The following GLG1 variants were observed in gnomAD, a reference collection of about 807,000 sequenced individuals.
GLG1 encodes the protein golgi glycoprotein 1.
A neutral mutation model predicts 160.5 loss-of-function variants in GLG1; 38 were observed. The observed-to-expected ratio is 0.24, with a 90% CI of 0.18 to 0.31. The LOEUF (loss-of-function observed/expected upper bound fraction) is 0.31. Among genes scored for constraint, GLG1 ranks in the 10% least tolerant of loss-of-function variants. The pLI is 1.00. For missense variants in GLG1, 1,373 were observed against 1,505.2 expected, an observed-to-expected ratio of 0.91 and a Z score of 1.45; for synonymous variants, 644 against 543.4, an observed-to-expected ratio of 1.19 and a Z score of -2.57.
intron 14 of GLG1, 125 bp from the exon 15 acceptor site, chr16:74,471,411 T>C (rs11862660): frequency 4.6e-6 from 3 of 654,098 alleles, no homozygotes; most frequent in African/African-American, 3.6e-5. Context: ...AGACACACCA[T>C]AAATTGTAAT....
chr16:74,568,499 C>A (rs1450249530), intron 1 of GLG1, among the ~76,000 whole-genome samples: 4 of 150,808 alleles, frequency 2.7e-5, no homozygotes, highest in African/African-American at 4.9e-5. Flanking sequence ...CTCACTGGAA[C>A]CTCCGCCTCC....
At chr16:74,497,175 G>T (rs1228260545) in intron 4 of GLG1, among the ~76,000 whole-genome samples, 1 of 151,826 alleles carries the variant, frequency 6.6e-6, no homozygotes, top group African/African-American at 2.4e-5. Flanking sequence ...TGTAATCCCA[G>T]CTACTCAGGA....
intron 5 of GLG1, among the ~76,000 whole-genome samples, chr16:74,496,135 G>C (rs950447457): frequency 2.0e-5 from 3 of 152,084 alleles, no homozygotes; most frequent in Admixed American, 6.6e-5. Context: ...AGGCAAGATG[G>C]TGCTTGCCTA....
chr16:74,567,369 G>T (rs7185026), intron 1 of GLG1, among the ~76,000 whole-genome samples: 111,323 of 151,912 alleles, frequency 0.73, 41,248 homozygotes, highest in African/African-American at 0.84. Context: ...TAATGCCAGC[G>T]CTTTAGAATT....
In GLG1 at chr16:74,525,263, A is replaced by C. The variant is rs558769588; in HGVS notation, c.471+6858T>G. On this transcript the variant is annotated intron_variant, in intron 2 of 25. Transcript: ENST00000422840. The stretch of plus-strand genomic sequence containing the variant: ...CTGCACTATTTCACATTCCACCAGC[A>C]ATTTCTCTAGACTCACACCAACATT... Among the ~76,000 whole-genome samples the C allele has an allele frequency of 7.2e-5, 11 of 152,300 alleles. 1 individual carries two copies. In the South Asian group the frequency reaches 2.1e-3, roughly 29 times the overall value.
intron 1 of GLG1, among the ~76,000 whole-genome samples, chr16:74,594,056 G>A (rs1306062863): frequency 1.3e-5 from 2 of 151,916 alleles, no homozygotes; most frequent in Admixed American, 6.6e-5. Context: ...ACAGGCATGC[G>A]CCACCATGTC....
chr16:74,564,114 T>C (rs1205372551), intron 1 of GLG1, among the ~76,000 whole-genome samples: 1 of 152,144 alleles, frequency 6.6e-6, no homozygotes, highest in Non-Finnish European at 1.5e-5. Context: ...AGAGACAGGG[T>C]CTTGCTATGT....
At position 74,452,380 on chromosome 16, in the gene GLG1, T is replaced by C. The variant is rs1487082247; in HGVS notation, c.*787A>G. The C allele has an allele frequency of 3.9e-6, 5 of 1,290,732 alleles. No individual in the cohort carries two copies. Among genetic ancestry groups the C allele is most frequent in the Non-Finnish European group, 4.0e-6 (4 of 1,011,704 alleles). The allele number at this position is 1,290,732 out of a possible 1,614,324, so 80.0% of individuals were successfully genotyped here. On this transcript the variant is annotated 3_prime_UTR_variant, in exon 26 of 26. Transcript: ENST00000422840. The stretch of plus-strand genomic sequence containing the variant: ...GATCCAGCCTCTCAGTGCAGATGGA[T>C]GGACTGTTCAACTTCACAAACTTCC...
intron 1 of GLG1, among the ~76,000 whole-genome samples, chr16:74,599,989 G>A (rs942847255): frequency 1.3e-5 from 2 of 151,832 alleles, no homozygotes; most frequent in Non-Finnish European, 2.9e-5. Context: ...AGGTGAGATC[G>A]CGCCACTGCA....
chr16:74,586,699 C>T (rs1240988548), intron 1 of GLG1, among the ~76,000 whole-genome samples: 1 of 148,252 alleles, frequency 6.7e-6, no homozygotes, highest in African/African-American at 2.5e-5. Context: ...ATTTGTAATT[C>T]TAATTTTTTT....
chr16:74,474,461 G>C (rs914323979), intron 13 of GLG1, 85 bp downstream of exon 13: 4 of 763,994 alleles, frequency 5.2e-6, no homozygotes, highest in African/African-American at 5.1e-5. Context: ...GCACTCTCAG[G>C]AGTCTAGAAA....
intron 1 of GLG1, chr16:74,552,131 A>T (rs2018216087): frequency 3.4e-6 from 1 of 291,508 alleles, no homozygotes; most frequent in Non-Finnish European, 6.8e-6. Context: ...CAGAGACACA[A>T]TATTGTCTTC....
chr16:74,597,664 T>C (rs1958337454), intron 1 of GLG1, among the ~76,000 whole-genome samples: 2 of 151,482 alleles, frequency 1.3e-5, no homozygotes, highest in African/African-American at 4.8e-5. Flanking sequence ...CCATCCTGAC[T>C]AACACAGTGA....
intron 2 of GLG1, among the ~76,000 whole-genome samples, chr16:74,521,413 T>A (rs896147636): frequency 5.3e-5 from 8 of 152,000 alleles, no homozygotes; most frequent in African/African-American, 1.9e-4. Flanking sequence ...CGGAGAGACA[T>A]GATGATGACT....
intron 1 of GLG1, among the ~76,000 whole-genome samples, chr16:74,553,262 A>C (rs1288033391): frequency 1.3e-5 from 2 of 151,196 alleles, no homozygotes; most frequent in Non-Finnish European, 1.5e-5. Context: ...GGGTCTCGCT[A>C]TGTTGCCCAT....
intron 1 of GLG1, among the ~76,000 whole-genome samples, chr16:74,542,476 G>A (rs927553301): frequency 6.6e-6 from 1 of 151,792 alleles, no homozygotes; most frequent in Non-Finnish European, 1.5e-5. Context: ...CAAGACCAGC[G>A]TGGCCAACGT....
At chr16:74,576,131 A>G (rs543757262) in intron 1 of GLG1, among the ~76,000 whole-genome samples, 2 of 152,056 alleles carry the variant, frequency 1.3e-5, no homozygotes, top group African/African-American at 2.4e-5. Flanking sequence ...CGGGAGGTGA[A>G]GGCGGCGGTG....
chr16:74,452,800 TA>T lies in GLG1; in HGVS notation c.*366del, dbSNP rs1170457698. ...GCGTTACTATATACATTTTTTTCTT[TA>T]AAAAAATTTTTTTTTTTGGTGGTTT... On this transcript the variant is annotated 3_prime_UTR_variant, in exon 26 of 26. Coordinates refer to ENST00000422840, the MANE Select transcript of GLG1 (RefSeq NM_001145667.2). The T allele has an allele frequency of 3.0e-6, 3 of 1,005,154 alleles. No individual in the cohort carries two copies. Among genetic ancestry groups the T allele is most frequent in the African/African-American group, 1.7e-5 (1 of 58,060 alleles). 62.3% of individuals were successfully genotyped at this position (1,005,154 alleles called of 1,614,324 possible).
intron 2 of GLG1, among the ~76,000 whole-genome samples, chr16:74,515,865 A>C (rs1239951257): frequency 6.6e-6 from 1 of 151,442 alleles, no homozygotes; most frequent in African/African-American, 2.5e-5. Context: ...TCTACCAAGC[A>C]AATGGAAAAC....
Sources: allele counts gnomAD v4.1 joint callset (sites outside exome capture counted in the v4.1 genomes callset), GRCh38; gene constraint gnomAD v4.1.1; transcripts MANE v1.5; gene names NCBI Gene and HGNC (gene_info 2026-07-23, HGNC 2026-07-21).